CCDC88A: variants seen among roughly 807,000 people sequenced by gnomAD.
CCDC88A encodes coiled-coil and HOOK domain protein 88A, also known as girdin.
In CCDC88A, 54 loss-of-function variants were observed where a neutral mutation model predicts 234.3. The observed-to-expected ratio is 0.23, with a 90% CI of 0.19 to 0.29. The LOEUF (loss-of-function observed/expected upper bound fraction) is 0.29, where lower values mean the gene tolerates loss of function less well. CCDC88A is among the 10% of genes least tolerant of loss of function. The pLI, the probability that CCDC88A is intolerant of heterozygous loss-of-function variation, is 1.00. For synonymous variants in CCDC88A, 753 were observed against 737.8 expected (o/e 1.02, Z -0.33); for missense variants, 1,832 against 2,123.4 (o/e 0.86, Z 2.70).
At chr2:55,352,441 C>CA (rs1192470544) in intron 8 of CCDC88A, among the ~76,000 whole-genome samples, 141 of 146,376 alleles carry the variant, frequency 9.6e-4, no homozygotes, top group African/African-American at 3.5e-3. Flanking sequence ...AAAAAACACA[C>CA]AAAAAAACAC....
In CCDC88A at chr2:55,322,550, C is replaced by T; in HGVS notation, c.3140G>A (p.Arg1047Lys). Residue 1047 changes from arginine (R) to lysine (K), a missense_variant, in exon 18 of 33, where the codon AGA becomes AAA. Around this residue, in one of 6 missense-constraint regions of CCDC88A, gnomAD observed 1,282 missense variants for 1,543.6 expected, o/e 0.83. Transcript: ENST00000436346. ...TACATTTCTTTCTACTTCAATTAATCTGTCTTTAACTTTCAGAAGTTCTCT... is the reference window on the plus strand; with the variant it reads ...TACATTTCTTTCTACTTCAATTAATTTGTCTTTAACTTTCAGAAGTTCTCT... ...TTRELLKVKD[R>K]LIEVERNNAT... is the part of the protein sequence containing the mutation. 1 of 1,591,164 alleles carries T rather than the reference C, an allele frequency of 6.3e-7. No homozygotes were observed. Among genetic ancestry groups the T allele is most frequent in the Non-Finnish European group, 8.6e-7 (1 of 1,168,446 alleles).
At chr2:55,330,795 T>A (rs1484762545) in intron 16 of CCDC88A, among the ~76,000 whole-genome samples, 4 of 152,244 alleles carry the variant, frequency 2.6e-5, no homozygotes, top group Admixed American at 6.5e-5. Flanking sequence ...CTTCCTATCC[T>A]GTCTCTGTGC....
chr2:55,375,379 A>G (rs180771441), intron 3 of CCDC88A, among the ~76,000 whole-genome samples: 47 of 151,378 alleles, frequency 3.1e-4, no homozygotes, highest in African/African-American at 1.0e-3. Flanking sequence ...ATTCCTCAAT[A>G]AAAGTTCGAG....
At chr2:55,387,360 T>A (rs1253000223) in intron 3 of CCDC88A, among the ~76,000 whole-genome samples, 1 of 151,880 alleles carries the variant, frequency 6.6e-6, no homozygotes, top group Admixed American at 6.6e-5. Flanking sequence ...CATAAAAGGG[T>A]AAAGATACTC....
intron 13 of CCDC88A, chr2:55,337,031 C>A (rs1483344727): frequency 8.2e-6 from 3 of 367,968 alleles, no homozygotes; most frequent in Admixed American, 4.8e-5. Flanking sequence ...CCTTGTGCAT[C>A]TTTTGGGGTA....
chr2:55,322,725 G>T, intron 17 of CCDC88A, 33 bp from the exon 18 acceptor site: 1 of 1,198,998 alleles, frequency 8.3e-7, no homozygotes, highest in Non-Finnish European at 1.2e-6. Flanking sequence ...TTAATGGGGA[G>T]AAAAAAATCA....
At chr2:55,298,138 T>C (rs145283696) in intron 29 of CCDC88A, among the ~76,000 whole-genome samples, 3 of 152,356 alleles carry the variant, frequency 2.0e-5, no homozygotes, top group Non-Finnish European at 4.4e-5. Context: ...AGTACGGATT[T>C]GTTTTGATCA....
At chr2:55,294,023 T>C (rs1679746500) in intron 31 of CCDC88A, 1 of 153,718 alleles carries the variant, frequency 6.5e-6, no homozygotes, top group Non-Finnish European at 1.4e-5. Flanking sequence ...TTTTACATTT[T>C]AGTGTGATTA....
intron 12 of CCDC88A, among the ~76,000 whole-genome samples, chr2:55,342,908 G>A (rs750123471): frequency 3.9e-5 from 6 of 152,148 alleles, no homozygotes; most frequent in Admixed American, 3.3e-4. Context: ...ATCTAATACT[G>A]GGCAAAACTG....
chr2:55,406,614 C>T (rs921297387), intron 2 of CCDC88A, among the ~76,000 whole-genome samples: 1 of 152,020 alleles, frequency 6.6e-6, no homozygotes, highest in African/African-American at 2.4e-5. Flanking sequence ...AAATATTTAG[C>T]CGGGTGTGGT....
chr2:55,349,789 C>G, intron 8 of CCDC88A, 190 bp from the exon 9 acceptor site: 1 of 489,142 alleles, frequency 2.0e-6, no homozygotes, highest in East Asian at 3.4e-5. Context: ...ATTAATAAAA[C>G]CTCTTCCCTA....
intron 2 of CCDC88A, chr2:55,399,674 G>A (rs895417809): frequency 1.6e-4 from 25 of 151,690 alleles, no homozygotes; most frequent in African/African-American, 6.1e-4. Flanking sequence ...ACTTTTTATT[G>A]TTTCATGAAA....
At chr2:55,401,507 T>C (rs1304272636) in intron 2 of CCDC88A, among the ~76,000 whole-genome samples, 64 of 476 alleles carry the variant, frequency 0.13, 1 homozygote, top group Middle Eastern at 0.5. Flanking sequence ...TACATATATA[T>C]ATATATATAT....
chr2:55,397,592 AT>A (rs1453083456), intron 2 of CCDC88A, among the ~76,000 whole-genome samples: 1 of 151,996 alleles, frequency 6.6e-6, no homozygotes, highest in Non-Finnish European at 1.5e-5. Flanking sequence ...TAATGAACAT[AT>A]AGTAATATCA....
intron 8 of CCDC88A, among the ~76,000 whole-genome samples, chr2:55,351,615 G>A (rs1291887387): frequency 6.6e-6 from 1 of 152,220 alleles, no homozygotes; most frequent in Non-Finnish European, 1.5e-5. Flanking sequence ...CAAAGTGCTG[G>A]AATTATAGGC....
intron 8 of CCDC88A, among the ~76,000 whole-genome samples, chr2:55,352,887 G>A (rs892537445): frequency 3.3e-5 from 5 of 152,122 alleles, no homozygotes; most frequent in Non-Finnish European, 7.4e-5. Flanking sequence ...GCAACCTGCT[G>A]TTTTTGTCTA....
intron 2 of CCDC88A, chr2:55,394,521 T>C (rs1254823454): frequency 2.6e-5 from 4 of 151,924 alleles, no homozygotes; most frequent in Non-Finnish European, 5.9e-5. Context: ...ACTTCCACGA[T>C]GGTTGAACTA....
intron 2 of CCDC88A, among the ~76,000 whole-genome samples, chr2:55,410,086 A>C (rs919510099): frequency 2.6e-5 from 4 of 152,014 alleles, no homozygotes; most frequent in African/African-American, 9.7e-5. Flanking sequence ...AGAACTTTGC[A>C]ATTTCTTGCC....
chr2:55,357,755 C>A (rs1422573517), intron 7 of CCDC88A, among the ~76,000 whole-genome samples: 1 of 152,056 alleles, frequency 6.6e-6, no homozygotes, highest in Non-Finnish European at 1.5e-5. Flanking sequence ...ATTTCTTTAT[C>A]CTCACAATAC....
Sources: allele counts gnomAD v4.1 joint callset (sites outside exome capture counted in the v4.1 genomes callset), GRCh38; gene constraint gnomAD v4.1.1; regional missense constraint gnomAD v4.1.1; transcripts MANE v1.5; gene names NCBI Gene and HGNC (gene_info 2026-07-23, HGNC 2026-07-21).